The following C2CD3 variants were observed in gnomAD, a reference collection of about 807,000 sequenced individuals.
C2CD3 encodes C2 domain-containing protein 3.
C2CD3 carries 148 observed loss-of-function variants against 234.0 expected under a neutral mutation model. The ratio of observed to expected loss-of-function variants is 0.63; its 90% CI spans 0.55 to 0.72. The LOEUF is 0.72. Ranked by LOEUF, C2CD3 falls within the 30% of genes least tolerant of loss-of-function variation. C2CD3 has a pLI of 0.00. For missense variants in C2CD3, 2,577 were observed against 2,811.5 expected, an observed-to-expected ratio of 0.92 and a Z score of 1.89; for synonymous variants, 1,000 against 1,035.4, an observed-to-expected ratio of 0.97 and a Z score of 0.66.
rs188386182 is a variant in C2CD3, at chr11:74,120,831, T to C, written c.1365+2157A>G. 1.2e-4 allele frequency among the ~76,000 whole-genome samples: 19 copies of C among 152,148 alleles called. No individual in the cohort carries two copies. In the East Asian group the frequency reaches 3.7e-3, roughly 29 times the overall value. The stretch of plus-strand genomic sequence containing the variant: ...GCTAAGAGCATTTCAACATTCAAAG[T>C]AGAAGGATTAGTACCAGCAAAAAAT... On this transcript the variant is annotated intron_variant, in intron 8 of 32. Transcript: ENST00000334126.
chr11:74,028,354 T>C lies in C2CD3; in HGVS notation c.6854A>G (p.Gln2285Arg), dbSNP rs1952389454. The change falls in exon 32 of 33, where the codon CAG (glutamine) becomes CGG (arginine). Residue 2285 changes from glutamine (Q) to arginine (R), a missense_variant. Gln to Arg is a conservative substitution (Grantham distance 43). Transcript: ENST00000334126. ...AAGCATCCGCAGGGAAGCCTCCAAC[T>C]GCTGGGGAGGCAAAAAGAAGTTGGG... ...VVPNFFLPPQQLEASLRMLSL... is the reference protein window; with the variant it reads ...VVPNFFLPPQRLEASLRMLSL... 3 of 1,536,074 alleles carry C rather than the reference T, an allele frequency of 2.0e-6. No individual in the cohort carries two copies. The highest frequency in any genetic ancestry group is 1.4e-5 in the African/African-American group (1 of 73,142).
intron 28 of C2CD3, among the ~76,000 whole-genome samples, chr11:74,045,398 A>G (rs1213883741): frequency 2.0e-5 from 3 of 152,174 alleles, no homozygotes. Flanking sequence ...TTTCCATACT[A>G]ATTTTAAGAT....
At chr11:74,091,460 A>C (rs1955890425) in intron 19 of C2CD3, 1 of 152,658 alleles carries the variant, frequency 6.6e-6, no homozygotes, top group South Asian at 2.1e-4. Flanking sequence ...ACTCAATCTT[A>C]ATTATGGTGA....
chr11:74,164,309 A>C (rs11602451), intron 2 of C2CD3: 150,058 of 875,098 alleles, frequency 0.17, 15,470 homozygotes, highest in African/African-American at 0.44. Context: ...CTACTCTAGT[A>C]GTTCCATGCT....
chr11:74,038,453 G>C (rs1952851809), intron 29 of C2CD3, among the ~76,000 whole-genome samples: 1 of 152,144 alleles, frequency 6.6e-6, no homozygotes. Context: ...AATCATATGA[G>C]ATCAGTAATT....
intron 7 of C2CD3, among the ~76,000 whole-genome samples, chr11:74,123,459 G>A (rs892701363): frequency 6.6e-6 from 1 of 152,004 alleles, no homozygotes; most frequent in Admixed American, 6.6e-5. Context: ...CTGTACTCTT[G>A]TATTATTTAT....
chr11:74,137,290 C>T (rs1298761862), intron 5 of C2CD3, among the ~76,000 whole-genome samples: 1 of 151,886 alleles, frequency 6.6e-6, no homozygotes, highest in Non-Finnish European at 1.5e-5. Flanking sequence ...AATATAAAAT[C>T]CATACAGCAG....
In C2CD3 at chr11:74,033,685, A is replaced by G. The variant is rs1341965791; in HGVS notation, c.6475T>C (p.Ser2159Pro). Residue 2159 changes from serine (S) to proline (P), a missense_variant, in exon 31 of 33, where the codon TCT (serine) becomes CCT (proline). Ser to Pro is a moderately conservative substitution (Grantham distance 74, BLOSUM62 -1). Transcript: ENST00000334126. Reference protein sequence around the residue: ...QSLVACECEASKARVGGESAS... With the variant: ...QSLVACECEAPKARVGGESAS... The stretch of plus-strand genomic sequence containing the variant: ...GACTCGCCACCAACCCTGGCCTTAG[A>G]GGCCTCACACTCACAAGCAACAAGA... 6.5e-7 allele frequency: 1 copy of G among 1,536,118 alleles called. No homozygotes were observed. The highest frequency in any genetic ancestry group is 2.4e-5 in the East Asian group (1 of 40,912).
At position 74,092,396 on chromosome 11, in the gene C2CD3, A is replaced by G. The variant is rs1955930080; in HGVS notation, c.3517+20T>C. On this transcript the variant is annotated intron_variant, in intron 19 of 32. Coordinates refer to ENST00000334126, the MANE Select transcript of C2CD3 (RefSeq NM_001286577.2). ...TGTATACTGATTTTGAAAGAAAAAGACAAACTTGTTTTCAATTACCTGATG... is the reference window on the plus strand; with the variant it reads ...TGTATACTGATTTTGAAAGAAAAAGGCAAACTTGTTTTCAATTACCTGATG... 3.1e-6 allele frequency: 5 copies of G among 1,607,026 alleles called. No individual in the cohort carries two copies. The highest frequency in any genetic ancestry group is 3.4e-4 in the Middle Eastern group (2 of 5,960).
intron 11 of C2CD3, chr11:74,113,326 GTT>G: frequency 6.2e-6 from 1 of 160,366 alleles, no homozygotes; most frequent in East Asian, 1.8e-4. Context: ...TAAGTATGGG[GTT>G]TCTTTTAGGG....
At chr11:74,106,323 T>C in intron 13 of C2CD3, 48 bp downstream of exon 13, 3 of 1,600,742 alleles carry the variant, frequency 1.9e-6, no homozygotes, top group Non-Finnish European at 1.7e-6. Flanking sequence ...CAGCCAATAA[T>C]GCATACTCAG....
At chr11:74,137,505 A>T (rs752241597) in intron 5 of C2CD3, among the ~76,000 whole-genome samples, 5 of 151,448 alleles carry the variant, frequency 3.3e-5, no homozygotes, top group Non-Finnish European at 5.9e-5. Flanking sequence ...TGCATTAAAG[A>T]CTGAAATTAA....
chr11:74,066,421 A>AT (rs1356981649), intron 24 of C2CD3, among the ~76,000 whole-genome samples: 2 of 149,688 alleles, frequency 1.3e-5, no homozygotes, highest in Non-Finnish European at 3.0e-5. Context: ...AACTTAAAGT[A>AT]TAAAAAAAAA....
intron 8 of C2CD3, among the ~76,000 whole-genome samples, chr11:74,121,663 T>C (rs1382164764): frequency 1.3e-5 from 2 of 151,378 alleles, no homozygotes; most frequent in Non-Finnish European, 2.9e-5. Flanking sequence ...AAAACAGTAT[T>C]TAGTGTTCTA....
chr11:74,093,725 A>T, intron 18 of C2CD3, 91 bp downstream of exon 18: 1 of 974,964 alleles, frequency 1.0e-6, no homozygotes, highest in South Asian at 1.9e-5. Flanking sequence ...TAGCTTCCTT[A>T]CAATAATTCA....
At position 74,133,433 on chromosome 11, in the gene C2CD3, T is replaced by C. The variant is rs753192909; in HGVS notation, c.1080A>G (p.Ala360=). 5.6e-6 allele frequency: 9 copies of C among 1,613,524 alleles called. No individual in the cohort carries two copies. The highest frequency in any genetic ancestry group is 1.6e-4 in the Middle Eastern group (1 of 6,080). ...TCTATCCTGTAACTTACTGTGTTGA[T>C]GCTCTAAGAGAATCTTCATTAATAG... ...HPPINEDSLR[A]STQIRAFSRN... The change falls in exon 6 of 33, where the codon GCA becomes GCG. Residue 360 remains alanine, a synonymous_variant. Coordinates refer to ENST00000334126, the MANE Select transcript of C2CD3 (RefSeq NM_001286577.2).
chr11:74,145,954 T>A (rs181638039), intron 3 of C2CD3, among the ~76,000 whole-genome samples: 7 of 152,324 alleles, frequency 4.6e-5, no homozygotes, highest in Admixed American at 2.0e-4. Flanking sequence ...TGTCTTTATA[T>A]TTTATTTTGA....
intron 14 of C2CD3, among the ~76,000 whole-genome samples, chr11:74,101,702 A>G (rs1238902607): frequency 1.3e-5 from 2 of 152,154 alleles, no homozygotes; most frequent in Non-Finnish European, 2.9e-5. Context: ...GCTTAAAGGA[A>G]ATTCAAGGCA....
intron 19 of C2CD3, among the ~76,000 whole-genome samples, chr11:74,091,625 A>T (rs768594383): frequency 6.6e-6 from 1 of 152,190 alleles, no homozygotes; most frequent in East Asian, 1.9e-4. Flanking sequence ...CCAAATTCGA[A>T]TTAATCCTCT....
Sources: gnomAD v4.1 joint callset for allele counts (sites outside exome capture counted in the v4.1 genomes callset) on GRCh38, gnomAD v4.1.1 for gene constraint, MANE v1.5 for transcripts, NCBI Gene and HGNC (gene_info 2026-07-23, HGNC 2026-07-21) for gene names.